PDE4B: variants seen among roughly 807,000 people sequenced by gnomAD.
PDE4B encodes the protein 3',5'-cyclic-AMP phosphodiesterase 4B.
PDE4B carries 20 observed loss-of-function variants against 82.2 expected under a neutral mutation model. The ratio of observed to expected loss-of-function variants is 0.24; its 90% CI spans 0.17 to 0.35. The LOEUF is 0.35. PDE4B is among the 10% of genes least tolerant of loss of function. The pLI, the probability that PDE4B is intolerant of heterozygous loss-of-function variation, is 1.00. For synonymous variants in PDE4B, 320 were observed against 318.9 expected (o/e 1.00, Z -0.04); for missense variants, 655 against 907.2 (o/e 0.72, Z 3.57).
chr1:66,027,555 TA>T (rs1385316134), intron 3 of PDE4B, among the ~76,000 whole-genome samples: 4 of 152,112 alleles, frequency 2.6e-5, no homozygotes, highest in African/African-American at 9.7e-5. Context: ...GTGACAGCAT[TA>T]ACCCAAAAAT....
chr1:66,337,540 C>G (rs924844568), intron 8 of PDE4B, among the ~76,000 whole-genome samples: 17 of 152,134 alleles, frequency 1.1e-4, no homozygotes, highest in Admixed American at 9.2e-4. Context: ...CCAGGGCTCA[C>G]GACGGCTGCT....
At chr1:66,260,722 A>G (rs1038309892) in intron 6 of PDE4B, among the ~76,000 whole-genome samples, 1 of 152,180 alleles carries the variant, frequency 6.6e-6, no homozygotes, top group Admixed American at 6.5e-5. Context: ...AGCTGTGCCA[A>G]CTGAAACAAC....
chr1:66,057,633 G>C (rs1557530334), intron 3 of PDE4B, among the ~76,000 whole-genome samples: 1 of 152,298 alleles, frequency 6.6e-6, no homozygotes, highest in Non-Finnish European at 1.5e-5. Flanking sequence ...AGCAAGTCAC[G>C]TCTTACATGG....
At chr1:66,362,716 T>A (rs1662878184) in intron 10 of PDE4B, among the ~76,000 whole-genome samples, 1 of 152,172 alleles carries the variant, frequency 6.6e-6, no homozygotes, top group African/African-American at 2.4e-5. Flanking sequence ...CACATTCTGA[T>A]AGCTGAGTCT....
intron 3 of PDE4B, among the ~76,000 whole-genome samples, chr1:65,929,073 G>C (rs1337025860): frequency 1.3e-5 from 2 of 152,066 alleles, no homozygotes; most frequent in Non-Finnish European, 2.9e-5. Context: ...CCTCCTCATG[G>C]GTCACACTCT....
At chr1:66,253,607 A>G (rs1289483874) in intron 4 of PDE4B, among the ~76,000 whole-genome samples, 1 of 152,244 alleles carries the variant, frequency 6.6e-6, no homozygotes, top group East Asian at 1.9e-4. Flanking sequence ...ATCAGTTTTC[A>G]TAATCAATCA....
chr1:66,205,782 A>G (rs1483469319), intron 3 of PDE4B, among the ~76,000 whole-genome samples: 2 of 152,216 alleles, frequency 1.3e-5, no homozygotes, highest in Non-Finnish European at 2.9e-5. Context: ...AACATTCACT[A>G]AAAGTTATAC....
At chr1:66,028,922 T>C (rs1653605636) in intron 3 of PDE4B, among the ~76,000 whole-genome samples, 1 of 152,218 alleles carries the variant, frequency 6.6e-6, no homozygotes, top group Non-Finnish European at 1.5e-5. Context: ...CATTTTCCTG[T>C]CTTCTTCTGA....
chr1:66,175,623 A>G (rs1240846356), intron 3 of PDE4B, among the ~76,000 whole-genome samples: 2 of 152,118 alleles, frequency 1.3e-5, no homozygotes, highest in Non-Finnish European at 2.9e-5. Context: ...CACCGTGGAC[A>G]TTTTTCTTCT....
At chr1:65,896,622 G>A (rs1646913390) in intron 1 of PDE4B, among the ~76,000 whole-genome samples, 1 of 152,102 alleles carries the variant, frequency 6.6e-6, no homozygotes, top group Non-Finnish European at 1.5e-5. Context: ...CAACACTGAG[G>A]GAGAGTATTA....
chr1:66,021,148 C>T (rs868800250), intron 3 of PDE4B, among the ~76,000 whole-genome samples: 13 of 152,164 alleles, frequency 8.5e-5, no homozygotes, highest in South Asian at 2.1e-4. Context: ...CCTTTGCCCA[C>T]TTTTTGATGG....
Position 66,355,519 on chromosome 1 carries a change from A to T in PDE4B, c.748-8A>T, listed in dbSNP as rs760014855. ...AGTGGTTAATGCATTTTTGTTCTTTATAAACAGTTCAAAAGAATGCTGAAC... is the reference window on the plus strand; with the variant it reads ...AGTGGTTAATGCATTTTTGTTCTTTTTAAACAGTTCAAAAGAATGCTGAAC... On this transcript the variant is annotated splice_region_variant and splice_polypyrimidine_tract_variant and intron_variant, in intron 8 of 16. Coordinates refer to ENST00000341517, the MANE Select transcript of PDE4B (RefSeq NM_002600.4). The T allele has an allele frequency of 6.3e-7, 1 of 1,592,864 alleles. No individual in the cohort carries two copies. The highest frequency in any genetic ancestry group is 8.6e-7 in the Non-Finnish European group (1 of 1,161,854).
chr1:66,332,293 TG>T (rs1007260772), intron 7 of PDE4B: 75 of 1,525,608 alleles, frequency 4.9e-5, no homozygotes, highest in Admixed American at 6.2e-5. Flanking sequence ...GGCGGGGGGT[TG>T]GGGGGAAACT....
chr1:66,217,355 T>C (rs1650546494), intron 3 of PDE4B, among the ~76,000 whole-genome samples: 1 of 151,994 alleles, frequency 6.6e-6, no homozygotes, highest in South Asian at 2.1e-4. Context: ...CAGTGGGAAG[T>C]GGTCACTACT....
intron 3 of PDE4B, among the ~76,000 whole-genome samples, chr1:66,085,790 T>G (rs1656972593): frequency 6.6e-6 from 1 of 152,116 alleles, no homozygotes; most frequent in South Asian, 2.1e-4. Context: ...CATATTTCCC[T>G]TGGTCTTGAC....
At chr1:65,864,677 G>A (rs1433407218) in intron 1 of PDE4B, among the ~76,000 whole-genome samples, 1 of 152,164 alleles carries the variant, frequency 6.6e-6, no homozygotes, top group Non-Finnish European at 1.5e-5. Context: ...CTGTTCACCT[G>A]GGTATTACCA....
intron 8 of PDE4B, among the ~76,000 whole-genome samples, chr1:66,343,893 A>G (rs765590300): frequency 6.6e-6 from 1 of 152,160 alleles, no homozygotes; most frequent in Non-Finnish European, 1.5e-5. Flanking sequence ...ATTTAAAGTT[A>G]TGAAACATTT....
At chr1:66,179,457 C>T (rs964660010) in intron 3 of PDE4B, among the ~76,000 whole-genome samples, 17 of 152,010 alleles carry the variant, frequency 1.1e-4, no homozygotes, top group Non-Finnish European at 1.6e-4. Flanking sequence ...GAGAACTACT[C>T]ATTGCAAATA....
At chr1:65,805,533 T>G (rs1645745180) in intron 1 of PDE4B, among the ~76,000 whole-genome samples, 1 of 152,198 alleles carries the variant, frequency 6.6e-6, no homozygotes, top group African/African-American at 2.4e-5. Flanking sequence ...ACAATCATTG[T>G]GCAGCTTTTT....
Sources: gnomAD v4.1 joint callset for allele counts (sites outside exome capture counted in the v4.1 genomes callset) on GRCh38, gnomAD v4.1.1 for gene constraint, MANE v1.5 for transcripts, NCBI Gene and HGNC (gene_info 2026-07-23, HGNC 2026-07-21) for gene names.